Variants in STK32B observed in about 807,000 individuals in gnomAD.
The protein encoded by STK32B is serine/threonine kinase 32B.
In STK32B, 43 loss-of-function variants were observed where a neutral mutation model predicts 52.6. That is an observed-to-expected ratio of 0.82 (90% CI 0.64 to 1.05). The LOEUF (loss-of-function observed/expected upper bound fraction) is 1.05. Among genes scored for constraint, STK32B ranks in the 50% least tolerant of loss-of-function variants. STK32B has a pLI of 0.00. For synonymous variants in STK32B, 238 were observed against 204.3 expected, an observed-to-expected ratio of 1.17 and a Z score of -1.41; for missense variants, 621 against 534.6, an observed-to-expected ratio of 1.16 and a Z score of -1.59.
chr4:5,086,161 A>G (rs909657433), intron 1 of STK32B, among the ~76,000 whole-genome samples: 10 of 152,220 alleles, frequency 6.6e-5, no homozygotes, highest in African/African-American at 1.4e-4. Flanking sequence ...CTGGGAATCT[A>G]TAGGTTCATG....
intron 4 of STK32B, among the ~76,000 whole-genome samples, chr4:5,383,654 CT>C (rs1457346721): frequency 6.6e-6 from 1 of 152,140 alleles, no homozygotes; most frequent in Non-Finnish European, 1.5e-5. Context: ...GGGTGCTGCA[CT>C]GGTAATAGGG....
At chr4:5,220,274 G>A (rs1024770603) in intron 3 of STK32B, among the ~76,000 whole-genome samples, 6 of 152,158 alleles carry the variant, frequency 3.9e-5, no homozygotes, top group Non-Finnish European at 8.8e-5. Flanking sequence ...TGCCAGGCAC[G>A]ATGATACATA....
chr4:5,162,312 T>C (rs1718509907), intron 2 of STK32B, among the ~76,000 whole-genome samples: 1 of 152,174 alleles, frequency 6.6e-6, no homozygotes, highest in African/African-American at 2.4e-5. Flanking sequence ...ACTTCAGCCT[T>C]CCCTGGGATA....
At chr4:5,312,181 A>G (rs539386854) in intron 3 of STK32B, among the ~76,000 whole-genome samples, 1 of 151,188 alleles carries the variant, frequency 6.6e-6, no homozygotes, top group African/African-American at 2.4e-5. Flanking sequence ...ACCTCAAGAA[A>G]TCTTTGCCAT....
intron 11 of STK32B, among the ~76,000 whole-genome samples, chr4:5,487,400 T>C (rs1719313990): frequency 6.6e-6 from 1 of 152,206 alleles, no homozygotes; most frequent in South Asian, 2.1e-4. Flanking sequence ...TTAAAAATTA[T>C]AATACAATTA....
intron 3 of STK32B, among the ~76,000 whole-genome samples, chr4:5,175,543 C>T (rs538062139): frequency 1.2e-4 from 19 of 152,324 alleles, no homozygotes; most frequent in African/African-American, 3.8e-4. Flanking sequence ...AGCTTTAGGT[C>T]TGTTGGAGTT....
chr4:5,069,597 A>C (rs918761739), intron 1 of STK32B, among the ~76,000 whole-genome samples: 1 of 152,146 alleles, frequency 6.6e-6, no homozygotes, highest in Non-Finnish European at 1.5e-5. Flanking sequence ...GATCTGAATA[A>C]GTTTCTTCAC....
intron 2 of STK32B, among the ~76,000 whole-genome samples, chr4:5,150,610 T>TC (rs1317739453): frequency 2.3e-4 from 35 of 152,298 alleles, no homozygotes; most frequent in African/African-American, 6.7e-4. Context: ...TTCAGCTTGT[T>TC]CTATGTCTGT....
chr4:5,077,161 T>G (rs1327387239), intron 1 of STK32B, among the ~76,000 whole-genome samples: 16 of 152,200 alleles, frequency 1.1e-4, no homozygotes, highest in Admixed American at 1.0e-3. Flanking sequence ...GTGGCACTCC[T>G]TCCTTTTTAT....
intron 11 of STK32B, among the ~76,000 whole-genome samples, chr4:5,484,681 C>T (rs1718998945): frequency 1.3e-5 from 2 of 152,154 alleles, no homozygotes; most frequent in Admixed American, 6.6e-5. Context: ...TTCTTCCTAG[C>T]CTCGATGGTC....
Position 5,467,949 on chromosome 4 carries a change from C to T in STK32B, c.1042-57C>T, listed in dbSNP as rs1288919073. 1 of 1,592,616 alleles carries T rather than the reference C, an allele frequency of 6.3e-7. No homozygotes were observed. Among genetic ancestry groups the T allele is most frequent in the East Asian group, 2.2e-5 (1 of 44,784 alleles). On this transcript the variant is annotated intron_variant, in intron 10 of 11. Transcript: ENST00000282908. The surrounding 1 kb of genome is among the most constrained non-coding windows in gnomAD (Gnocchi z 5.8). ...TCTGCCGTCCTGTGATGCTCCATTA[C>T]CGCGCGTCCCCGGACCGTGCTTTGT...
At chr4:5,168,250 C>G (rs771616677) in intron 2 of STK32B, 49 bp from the exon 3 acceptor site, 7 of 1,576,958 alleles carry the variant, frequency 4.4e-6, no homozygotes, top group African/African-American at 1.3e-5. Flanking sequence ...TCCTTTGTCT[C>G]CCTTTTCGAT....
At chr4:5,370,868 G>C (rs545763574) in intron 4 of STK32B, among the ~76,000 whole-genome samples, 143 of 152,038 alleles carry the variant, frequency 9.4e-4, no homozygotes, top group African/African-American at 3.3e-3. Flanking sequence ...AGCTACTCAG[G>C]AGGCTGAGAT....
intron 11 of STK32B, among the ~76,000 whole-genome samples, chr4:5,482,768 C>T (rs1718826650): frequency 6.6e-6 from 1 of 152,154 alleles, no homozygotes; most frequent in Admixed American, 6.5e-5. Context: ...CCCATCAATA[C>T]CTAATTCATT....
At chr4:5,375,041 A>G (rs552840380) in intron 4 of STK32B, among the ~76,000 whole-genome samples, 102 of 152,322 alleles carry the variant, frequency 6.7e-4, no homozygotes, top group African/African-American at 2.3e-3. Context: ...CCCATGAGCC[A>G]AGGAACCAAT....
At chr4:5,237,450 G>C (rs918655408) in intron 3 of STK32B, among the ~76,000 whole-genome samples, 2 of 152,200 alleles carry the variant, frequency 1.3e-5, no homozygotes, top group African/African-American at 4.8e-5. Flanking sequence ...TCATACTCGG[G>C]AGATTAATGA....
At chr4:5,357,088 TACACACACAC>T (rs33916543) in intron 4 of STK32B, among the ~76,000 whole-genome samples, 1 of 148,688 alleles carries the variant, frequency 6.7e-6, no homozygotes, top group Non-Finnish European at 1.5e-5. Flanking sequence ...CACACACGTA[TACACACACAC>T]ACACACACAC....
intron 2 of STK32B, among the ~76,000 whole-genome samples, chr4:5,148,284 C>T (rs1431002251): frequency 1.3e-5 from 2 of 151,668 alleles, no homozygotes; most frequent in Non-Finnish European, 3.0e-5. Context: ...CCTTCTTTCT[C>T]TTATTTTCTT....
chr4:5,100,370 T>G (rs1713660815), intron 1 of STK32B, among the ~76,000 whole-genome samples: 1 of 133,356 alleles, frequency 7.5e-6, no homozygotes, highest in Non-Finnish European at 1.6e-5. Flanking sequence ...CAGCTGCCTT[T>G]CTTGCCTTCT....
Sources: allele counts gnomAD v4.1 joint callset (sites outside exome capture counted in the v4.1 genomes callset), GRCh38; gene constraint gnomAD v4.1.1; non-coding constraint Gnocchi (gnomAD v3.1); transcripts MANE v1.5; gene names NCBI Gene and HGNC (gene_info 2026-07-23, HGNC 2026-07-21).